NLGN1: variants seen among roughly 807,000 people sequenced by gnomAD.
NLGN1 encodes the protein neuroligin-1.
A neutral mutation model predicts 65.5 loss-of-function variants in NLGN1; 12 were observed. The observed-to-expected ratio is 0.18, with a 90% CI of 0.12 to 0.30. The LOEUF is 0.30. Ranked by LOEUF, NLGN1 falls within the 10% of genes least tolerant of loss-of-function variation. NLGN1 has a pLI of 1.00. For missense variants in NLGN1, 750 were observed against 1,007.1 expected, an observed-to-expected ratio of 0.74 and a Z score of 3.46; for synonymous variants, 350 against 359.5, an observed-to-expected ratio of 0.97 and a Z score of 0.30.
intron 4 of NLGN1, among the ~76,000 whole-genome samples, chr3:174,045,046 A>G (rs1307759304): frequency 6.6e-6 from 1 of 152,150 alleles, no homozygotes; most frequent in African/African-American, 2.4e-5. Context: ...TTATAGCAGC[A>G]TGAGAATGGA....
intron 3 of NLGN1, among the ~76,000 whole-genome samples, chr3:173,680,282 CACTT>C (rs1416040880): frequency 2.0e-5 from 3 of 152,026 alleles, no homozygotes; most frequent in Admixed American, 6.6e-5. Context: ...TTAAGTATTT[CACTT>C]ACTTATTTTT....
chr3:173,407,850 A>C (rs1711593370), intron 1 of NLGN1, among the ~76,000 whole-genome samples: 1 of 152,276 alleles, frequency 6.6e-6, no homozygotes, highest in South Asian at 2.1e-4. Flanking sequence ...GGGCCTCTGC[A>C]GATTAGAAAT....
intron 3 of NLGN1, among the ~76,000 whole-genome samples, chr3:173,750,609 T>C (rs747514144): frequency 4.6e-5 from 7 of 152,244 alleles, no homozygotes; most frequent in Non-Finnish European, 8.8e-5. Flanking sequence ...TTTATGTCTA[T>C]TGAGAATTCA....
chr3:174,247,170 T>C (rs1303822253), intron 4 of NLGN1, among the ~76,000 whole-genome samples: 1 of 152,248 alleles, frequency 6.6e-6, no homozygotes, highest in Admixed American at 6.5e-5. Flanking sequence ...GGTATTATTA[T>C]TTTTTGGTGT....
chr3:173,977,327 G>A (rs1717719591), intron 4 of NLGN1, among the ~76,000 whole-genome samples: 1 of 151,878 alleles, frequency 6.6e-6, no homozygotes, highest in South Asian at 2.1e-4. Context: ...AAATGGGAGT[G>A]GGGATGGGGG....
chr3:173,891,674 C>G (rs1450250898), intron 4 of NLGN1, among the ~76,000 whole-genome samples: 1 of 152,164 alleles, frequency 6.6e-6, no homozygotes, highest in African/African-American at 2.4e-5. Context: ...TAAAACTTAC[C>G]AAGGCAGTGG....
chr3:174,150,393 T>TG (rs1050237088), intron 4 of NLGN1, among the ~76,000 whole-genome samples: 1 of 152,096 alleles, frequency 6.6e-6, no homozygotes, highest in African/African-American at 2.4e-5. Flanking sequence ...TTATATGTTG[T>TG]GGGGGACTCT....
intron 2 of NLGN1, among the ~76,000 whole-genome samples, chr3:173,442,271 T>G (rs1042398379): frequency 5.9e-5 from 9 of 152,182 alleles, no homozygotes; most frequent in Admixed American, 3.3e-4. Flanking sequence ...AAGTGGGGTT[T>G]TTCGTGTATA....
At chr3:174,206,141 A>G (rs1180938258) in intron 4 of NLGN1, among the ~76,000 whole-genome samples, 1 of 152,242 alleles carries the variant, frequency 6.6e-6, no homozygotes, top group Non-Finnish European at 1.5e-5. Context: ...TCAAACCAGC[A>G]AATAAGAACA....
At chr3:174,077,001 CAATT>C (rs1741152428) in intron 4 of NLGN1, among the ~76,000 whole-genome samples, 1 of 152,040 alleles carries the variant, frequency 6.6e-6, no homozygotes, top group African/African-American at 2.4e-5. Flanking sequence ...AGCTTGTGAA[CAATT>C]AACATACAGA....
chr3:174,003,452 A>G (rs747960799), intron 4 of NLGN1, among the ~76,000 whole-genome samples: 7 of 152,172 alleles, frequency 4.6e-5, no homozygotes, highest in Non-Finnish European at 1.0e-4. Context: ...TGTATTGTAC[A>G]CACATTAAAA....
intron 4 of NLGN1, among the ~76,000 whole-genome samples, chr3:173,832,906 G>A (rs35839431): frequency 1.9e-4 from 29 of 151,482 alleles, no homozygotes; most frequent in Admixed American, 9.9e-4. Flanking sequence ...AATTTTTCTC[G>A]GTAAAGGTAT....
At chr3:173,860,928 T>TA (rs1404515577) in intron 4 of NLGN1, among the ~76,000 whole-genome samples, 4 of 152,184 alleles carry the variant, frequency 2.6e-5, no homozygotes, top group African/African-American at 4.8e-5. Flanking sequence ...GGGGGACAGA[T>TA]GTATGAGACC....
At chr3:174,060,147 T>G (rs1179507255) in intron 4 of NLGN1, among the ~76,000 whole-genome samples, 1 of 152,122 alleles carries the variant, frequency 6.6e-6, no homozygotes. Flanking sequence ...ATGGTTATAT[T>G]TCACCATGGT....
intron 3 of NLGN1, among the ~76,000 whole-genome samples, chr3:173,640,921 A>G (rs1296150229): frequency 2.0e-5 from 3 of 152,274 alleles, no homozygotes; most frequent in African/African-American, 7.2e-5. Flanking sequence ...AGGGCTTTCT[A>G]TTATTTATGA....
chr3:173,939,343 C>G (rs1873587), intron 4 of NLGN1, among the ~76,000 whole-genome samples: 1 of 152,104 alleles, frequency 6.6e-6, no homozygotes, highest in Non-Finnish European at 1.5e-5. Flanking sequence ...GGAATGAAAA[C>G]TAAACAGCTC....
At chr3:174,161,773 G>A (rs895863021) in intron 4 of NLGN1, among the ~76,000 whole-genome samples, 4 of 151,770 alleles carry the variant, frequency 2.6e-5, no homozygotes, top group Non-Finnish European at 1.5e-5. Flanking sequence ...TACTATCCAC[G>A]GGGTCTGATG....
intron 2 of NLGN1, among the ~76,000 whole-genome samples, chr3:173,468,372 T>C (rs1030686885): frequency 3.9e-5 from 6 of 152,094 alleles, no homozygotes; most frequent in African/African-American, 1.4e-4. Flanking sequence ...ATATATAAAA[T>C]AGAATATTAA....
chr3:173,483,711 C>T (rs765808503), intron 2 of NLGN1, among the ~76,000 whole-genome samples: 10 of 152,052 alleles, frequency 6.6e-5, no homozygotes, highest in Non-Finnish European at 1.3e-4. Context: ...GCAAAAGCCC[C>T]TGACTTATAG....
Sources: allele counts gnomAD v4.1 joint callset (sites outside exome capture counted in the v4.1 genomes callset), GRCh38; gene constraint gnomAD v4.1.1; transcripts MANE v1.5; gene names NCBI Gene and HGNC (gene_info 2026-07-23, HGNC 2026-07-21).